The following KCNH8 variants were observed in gnomAD, a reference collection of about 807,000 sequenced individuals.
KCNH8 encodes potassium voltage-gated channel subfamily H member 8.
KCNH8 carries 70 observed loss-of-function variants against 103.6 expected under a neutral mutation model. The observed-to-expected ratio is 0.68, with a 90% CI of 0.56 to 0.82. KCNH8 has a LOEUF of 0.82. Ranked by LOEUF, KCNH8 falls within the 40% of genes least tolerant of loss-of-function variation. The pLI is 0.00. For missense variants in KCNH8, 1,217 were observed against 1,329.9 expected, an observed-to-expected ratio of 0.92 and a Z score of 1.32; for synonymous variants, 498 against 489.4, an observed-to-expected ratio of 1.02 and a Z score of -0.23.
intron 5 of KCNH8, among the ~76,000 whole-genome samples, chr3:19,388,059 C>T (rs1185669040): frequency 6.6e-6 from 1 of 151,988 alleles, no homozygotes; most frequent in African/African-American, 2.4e-5. Flanking sequence ...TTCATTCTTC[C>T]ATTCATGGGA....
At chr3:19,409,672 A>G (rs1015018983) in intron 7 of KCNH8, among the ~76,000 whole-genome samples, 1 of 152,150 alleles carries the variant, frequency 6.6e-6, no homozygotes, top group African/African-American at 2.4e-5. Flanking sequence ...AGAAAGATAT[A>G]CCATGCAAAC....
chr3:19,459,257 ATTTC>A lies in KCNH8; in HGVS notation c.2040+2279_2040+2282del, dbSNP rs1298772998. ...CCTTTTTTTTCACATCCTTGCCAAA[ATTTC>A]TTTGTTGTTGTTTTTTTTAAAATAG... On this transcript the variant is annotated intron_variant, in intron 11 of 15. Coordinates refer to ENST00000328405, the MANE Select transcript of KCNH8 (RefSeq NM_144633.3). Among the ~76,000 whole-genome samples, 3 of 151,538 alleles carry A rather than the reference ATTTC, an allele frequency of 2.0e-5. No homozygotes were observed. The East Asian group carries it at 5.8e-4, about 29-fold the overall frequency.
chr3:19,416,273 C>T (rs753692257), intron 7 of KCNH8, among the ~76,000 whole-genome samples: 6 of 151,862 alleles, frequency 4.0e-5, no homozygotes, highest in Non-Finnish European at 7.4e-5. Context: ...TTATATATTT[C>T]CATTAGATCA....
chr3:19,395,381 A>G, intron 7 of KCNH8, 70 bp downstream of exon 7: 1 of 1,056,148 alleles, frequency 9.5e-7, no homozygotes, highest in Admixed American at 2.1e-5. Context: ...AACTTGGAGG[A>G]AGTGAAAGAT....
At chr3:19,215,171 G>C (rs1256821929) in intron 1 of KCNH8, among the ~76,000 whole-genome samples, 1 of 152,194 alleles carries the variant, frequency 6.6e-6, no homozygotes, top group Admixed American at 6.5e-5. Flanking sequence ...CTCCCATCAG[G>C]TTTATTTGGG....
chr3:19,356,162 A>T (rs1351807016), intron 5 of KCNH8, among the ~76,000 whole-genome samples: 1 of 152,032 alleles, frequency 6.6e-6, no homozygotes, highest in African/African-American at 2.4e-5. Flanking sequence ...TAAATGTTTC[A>T]TGAAGAAAGG....
intron 11 of KCNH8, among the ~76,000 whole-genome samples, chr3:19,484,791 T>C (rs2068169768): frequency 6.6e-6 from 1 of 152,104 alleles, no homozygotes; most frequent in Non-Finnish European, 1.5e-5. Flanking sequence ...CTTATTTACC[T>C]AAGTTGAGAT....
At chr3:19,454,006 G>C (rs113361211) in intron 10 of KCNH8, among the ~76,000 whole-genome samples, 3 of 152,068 alleles carry the variant, frequency 2.0e-5, no homozygotes, top group Admixed American at 6.6e-5. Flanking sequence ...CTCAGTTCTT[G>C]TCTCATCCTC....
At chr3:19,259,932 C>T (rs1008589474) in intron 2 of KCNH8, among the ~76,000 whole-genome samples, 6 of 151,648 alleles carry the variant, frequency 4.0e-5, no homozygotes, top group African/African-American at 1.5e-4. Context: ...CTGACCTAAG[C>T]TGTTGAATAA....
At chr3:19,531,073 A>G (rs1454483292) in intron 15 of KCNH8, among the ~76,000 whole-genome samples, 1 of 152,252 alleles carries the variant, frequency 6.6e-6, no homozygotes, top group African/African-American at 2.4e-5. Context: ...ATTCAAACTT[A>G]TTCTTCAGAG....
At chr3:19,360,327 T>C (rs746014327) in intron 5 of KCNH8, among the ~76,000 whole-genome samples, 1 of 152,042 alleles carries the variant, frequency 6.6e-6, no homozygotes, top group African/African-American at 2.4e-5. Context: ...GATGGGTGGA[T>C]GTATATAATG....
chr3:19,414,688 T>G (rs2066836247), intron 7 of KCNH8, among the ~76,000 whole-genome samples: 2 of 152,102 alleles, frequency 1.3e-5, no homozygotes, highest in Admixed American at 1.3e-4. Flanking sequence ...ATTAATATTA[T>G]GCTTACACTT....
At chr3:19,158,757 A>T (rs557429702) in intron 1 of KCNH8, among the ~76,000 whole-genome samples, 5 of 152,056 alleles carry the variant, frequency 3.3e-5, no homozygotes, top group African/African-American at 1.2e-4. Flanking sequence ...TAATTTTTTT[A>T]ACCAGCCAGC....
intron 1 of KCNH8, among the ~76,000 whole-genome samples, chr3:19,212,081 A>G (rs961547459): frequency 2.0e-5 from 3 of 152,186 alleles, no homozygotes; most frequent in African/African-American, 7.2e-5. Flanking sequence ...AGCTTTATTC[A>G]TGGTGTTCCT....
chr3:19,291,033 A>T (rs2064915108), intron 3 of KCNH8, among the ~76,000 whole-genome samples: 1 of 152,092 alleles, frequency 6.6e-6, no homozygotes, highest in African/African-American at 2.4e-5. Context: ...ATTTGCATAG[A>T]GGTGTTTATA....
intron 10 of KCNH8, among the ~76,000 whole-genome samples, chr3:19,451,825 C>G (rs1460676080): frequency 6.6e-6 from 1 of 152,028 alleles, no homozygotes; most frequent in African/African-American, 2.4e-5. Flanking sequence ...TGTACCTGTA[C>G]TAGAAATAGA....
intron 2 of KCNH8, among the ~76,000 whole-genome samples, chr3:19,273,026 A>T (rs1391600411): frequency 6.6e-6 from 1 of 152,170 alleles, no homozygotes; most frequent in South Asian, 2.1e-4. Flanking sequence ...CTTTATGTCC[A>T]ATTGCTTGCA....
At chr3:19,250,716 TCTAGTAGTAC>T (rs1162129723) in intron 1 of KCNH8, among the ~76,000 whole-genome samples, 3 of 152,220 alleles carry the variant, frequency 2.0e-5, no homozygotes, top group Non-Finnish European at 4.4e-5. Flanking sequence ...ATCTCTCAGC[TCTAGTAGTAC>T]CTATTATTTG....
chr3:19,229,831 C>T (rs931675571), intron 1 of KCNH8, among the ~76,000 whole-genome samples: 1 of 152,230 alleles, frequency 6.6e-6, no homozygotes, highest in Non-Finnish European at 1.5e-5. Flanking sequence ...CCAACCTCTG[C>T]CTGTAACCCA....
Sources: allele counts gnomAD v4.1 joint callset (sites outside exome capture counted in the v4.1 genomes callset), GRCh38; gene constraint gnomAD v4.1.1; transcripts MANE v1.5; gene names NCBI Gene and HGNC (gene_info 2026-07-23, HGNC 2026-07-21).